The following NSD2 variants were observed in gnomAD, a reference collection of about 807,000 sequenced individuals.
NSD2 encodes the protein nuclear receptor binding SET domain protein 2.
NSD2 carries 12 observed loss-of-function variants against 139.0 expected under a neutral mutation model. That is an observed-to-expected ratio of 0.09 (90% confidence interval 0.06 to 0.14). NSD2 has a LOEUF of 0.14. NSD2 is among the 10% of genes least tolerant of loss of function. The pLI is 1.00. For missense variants in NSD2, 1,155 were observed against 1,745.0 expected (o/e 0.66, Z 6.02); for synonymous variants, 669 against 648.7 (o/e 1.03, Z -0.48).
In NSD2 at chr4:1,879,824, T is replaced by TTGTGTGTG. The variant is rs140755867; in HGVS notation, c.-30+8310_-30+8317dup. 6.6e-3 allele frequency among the ~76,000 whole-genome samples: 948 copies of TTGTGTGTG among 144,140 alleles called. 14 individuals carry two copies. Among genetic ancestry groups the TTGTGTGTG allele is most frequent in the African/African-American group, 0.023 (892 of 39,064 alleles). The allele number at this position is 144,140 out of a possible 152,430, so 94.6% of individuals were successfully genotyped here. ...GTTGCAGACCCTGGGCCCATGGCAC[T>TTGTGTGTG]TGTGTGTGTGTGTGTGTGTGTGTGT... On this transcript the variant is annotated intron_variant, in intron 1 of 21. Transcript: ENST00000508803.
At chr4:1,947,001 C>T in intron 9 of NSD2, 1 of 1,063,164 alleles carries the variant, frequency 9.4e-7, no homozygotes, top group African/African-American at 1.6e-5. Context: ...ATAGTATTTT[C>T]AAGAAATGAC....
rs1033947313 is a variant in NSD2 at position 1,918,978 on chromosome 4, T to C, written c.1410+355T>C. 5.2e-4 allele frequency: 98 copies of C among 189,256 alleles called. 1 individual carries two copies. The highest frequency in any genetic ancestry group is 2.2e-3 in the African/African-American group (95 of 42,236). The allele number at this position is 189,256 out of a possible 1,614,324, so 11.7% of individuals were successfully genotyped here. A position where few individuals can be genotyped will look rare whatever the true frequency, so the allele number is the denominator to read the frequency against. ...GCCTGGGCAACATGGTGAAACCCCA[T>C]CTCTACAAAAATTAGCCGGGTGTGG... On this transcript the variant is annotated intron_variant, in intron 5 of 21. Coordinates refer to ENST00000508803, the MANE Select transcript of NSD2 (RefSeq NM_001042424.3).
At chr4:1,891,864 A>AG (rs1715588533) in intron 1 of NSD2, among the ~76,000 whole-genome samples, 1 of 150,898 alleles carries the variant, frequency 6.6e-6, no homozygotes, top group Non-Finnish European at 1.5e-5. Flanking sequence ...CTCAAAAAAA[A>AG]AAAAAAACAA....
In NSD2 at chr4:1,890,787, G is replaced by A. The variant is rs539295371; in HGVS notation, c.-29-9839G>A. Among the ~76,000 whole-genome samples the A allele has an allele frequency of 2.6e-5, 4 of 151,234 alleles. No individual in the cohort carries two copies. In the South Asian group the frequency reaches 6.3e-4, roughly 24 times the overall value. On this transcript the variant is annotated intron_variant, in intron 1 of 21. Transcript: ENST00000508803. Reference sequence around the variant, plus strand: ...CTAATTTTCTATTTTTAGTAGAGACGGGGTTTCACCATGTTGGCCAGGCTG... The same window carrying A: ...CTAATTTTCTATTTTTAGTAGAGACAGGGTTTCACCATGTTGGCCAGGCTG...
At chr4:1,918,780 C>A in intron 5 of NSD2, 157 bp downstream of exon 5, 1 of 1,049,366 alleles carries the variant, frequency 9.5e-7, no homozygotes, top group Non-Finnish European at 1.3e-6. Context: ...AACAGCCATT[C>A]TGACCCTTGA....
chr4:1,892,367 T>C (rs1235726669), intron 1 of NSD2: 2 of 152,266 alleles, frequency 1.3e-5, no homozygotes, highest in Non-Finnish European at 2.9e-5. Context: ...TCCCCTCATG[T>C]TGGAGACCTC....
At chr4:1,978,121 C>T (rs1727305517) in intron 21 of NSD2, among the ~76,000 whole-genome samples, 1 of 150,432 alleles carries the variant, frequency 6.6e-6, no homozygotes, top group Non-Finnish European at 1.5e-5. Flanking sequence ...AGCTAGACTC[C>T]ATCTCAAAAA....
At chr4:1,951,352 G>A (rs1416486736) in intron 10 of NSD2, 149 bp downstream of exon 10, 6 of 1,134,028 alleles carry the variant, frequency 5.3e-6, no homozygotes, top group Non-Finnish European at 7.4e-6. Flanking sequence ...GAAGGGGTCA[G>A]ACTGACTCTC....
chr4:1,970,515 A>T (rs1726344977), intron 18 of NSD2, among the ~76,000 whole-genome samples: 1 of 152,130 alleles, frequency 6.6e-6, no homozygotes. Context: ...GCCGGGGGTG[A>T]GTGTGCCAGA....
chr4:1,981,504 GC>G lies in NSD2; in HGVS notation c.*2596del, dbSNP rs1429186835. 3.8e-6 allele frequency: 1 copy of G among 261,942 alleles called. No individual in the cohort carries two copies. The highest frequency in any genetic ancestry group is 7.2e-6 in the Non-Finnish European group (1 of 138,124). 16.2% of individuals were successfully genotyped at this position (261,942 alleles called of 1,614,324 possible). ...CAGGATTCCTTGGCATCCGAAACCA[GC>G]ATCTGCACCTAAACCCATACCCACC... On this transcript the variant is annotated 3_prime_UTR_variant, in exon 22 of 22. Coordinates refer to ENST00000508803, the MANE Select transcript of NSD2 (RefSeq NM_001042424.3).
intron 1 of NSD2, among the ~76,000 whole-genome samples, chr4:1,891,505 C>A (rs1368452457): frequency 6.6e-6 from 1 of 152,050 alleles, no homozygotes; most frequent in Non-Finnish European, 1.5e-5. Context: ...TAGCTGACAT[C>A]TAAGCCAGTG....
Position 1,963,216 on chromosome 4 carries a change from C to T in NSD2, c.3372+2065C>T, listed in dbSNP as rs566292998. Among the ~76,000 whole-genome samples, 16 of 152,290 alleles carry T rather than the reference C, an allele frequency of 1.1e-4. No homozygotes were observed. The South Asian group carries it at 2.7e-3, about 26-fold the overall frequency. Reference sequence around the variant, plus strand: ...AAGATGGGAAGCAGGTCCATAAGGGCGAGAGTGGGTTTGTACACAGCGCCT... The same window carrying T: ...AAGATGGGAAGCAGGTCCATAAGGGTGAGAGTGGGTTTGTACACAGCGCCT... On this transcript the variant is annotated intron_variant, in intron 18 of 21. Coordinates refer to ENST00000508803, the MANE Select transcript of NSD2 (RefSeq NM_001042424.3).
chr4:1,891,866 A>C (rs1351493676), intron 1 of NSD2, among the ~76,000 whole-genome samples: 14 of 151,044 alleles, frequency 9.3e-5, no homozygotes, highest in Admixed American at 1.3e-4. Context: ...CAAAAAAAAA[A>C]AAAAACAAAA....
In NSD2 at chr4:1,978,811, A is replaced by G. The variant is rs1459045548; in HGVS notation, c.4000A>G (p.Arg1334Gly). The change falls in exon 22 of 22, where the codon AGA (arginine) becomes GGA (glycine). Residue 1334 changes from arginine to glycine, a missense_variant. Arg to Gly is a moderately radical substitution (Grantham distance 125). Transcript: ENST00000508803. ...GCATGACTTAGGGGCGGCATCGGTCAGAAGCACCAAGACTGAGAAGCCCCC... is the reference window on the plus strand; with the variant it reads ...GCATGACTTAGGGGCGGCATCGGTCGGAAGCACCAAGACTGAGAAGCCCCC... The part of the protein sequence containing the change: ...CEHDLGAASV[R>G]STKTEKPPPE... The G allele has an allele frequency of 9.3e-6, 15 of 1,611,512 alleles. No individual in the cohort carries two copies. The highest frequency in any genetic ancestry group is 1.2e-5 in the Non-Finnish European group (14 of 1,178,202).
chr4:1,970,439 G>GA (rs1726336225), intron 18 of NSD2, among the ~76,000 whole-genome samples: 1 of 152,194 alleles, frequency 6.6e-6, no homozygotes, highest in Admixed American at 6.5e-5. Flanking sequence ...CAGCTGCTGA[G>GA]AGATGAGCTC....
chr4:1,903,700 GT>G (rs1717496244), intron 2 of NSD2, among the ~76,000 whole-genome samples: 1 of 151,542 alleles, frequency 6.6e-6, no homozygotes, highest in African/African-American at 2.4e-5. Context: ...GCTATGCACT[GT>G]CCTGATCCTT....
intron 3 of NSD2, among the ~76,000 whole-genome samples, chr4:1,911,608 GAAAA>G (rs1241442182): frequency 1.9e-5 from 2 of 104,766 alleles, no homozygotes; most frequent in African/African-American, 3.7e-5. Flanking sequence ...AAAAAAAAAA[GAAAA>G]AAAAAAAGAA....
At chr4:1,960,992 G>T in intron 17 of NSD2, 43 bp from the exon 18 acceptor site, 1 of 1,557,962 alleles carries the variant, frequency 6.4e-7, no homozygotes, top group Non-Finnish European at 8.8e-7. Context: ...CTGAGGATTG[G>T]TCAGCACGCT....
rs897132791 is a variant in NSD2, at chr4:1,944,230, C to T, written c.1881+4452C>T. On this transcript the variant is annotated intron_variant, in intron 9 of 21. Coordinates refer to ENST00000508803, the MANE Select transcript of NSD2 (RefSeq NM_001042424.3). ...CAGGAGTGGGCTCATCCTAGAGGAG[C>T]GGAGTTTTCCGAGAGGACCATCTCC... The T allele has an allele frequency of 3.7e-5, 39 of 1,065,886 alleles. 1 individual carries two copies. The highest frequency in any genetic ancestry group is 4.1e-4 in the Middle Eastern group (1 of 2,424). 66.0% of individuals were successfully genotyped at this position (1,065,886 alleles called of 1,614,324 possible). A position where few individuals can be genotyped will look rare whatever the true frequency, so the allele number is the denominator to read the frequency against.
Sources: allele counts gnomAD v4.1 joint callset (sites outside exome capture counted in the v4.1 genomes callset), GRCh38; gene constraint gnomAD v4.1.1; transcripts MANE v1.5; gene names NCBI Gene and HGNC (gene_info 2026-07-23, HGNC 2026-07-21).